The following RBFOX1 variants were observed in gnomAD, a reference collection of about 807,000 sequenced individuals.
RBFOX1 encodes the protein RNA binding protein fox-1 homolog 1.
RBFOX1 carries 8 observed loss-of-function variants against 57.7 expected under a neutral mutation model. The ratio of observed to expected loss-of-function variants is 0.14; its 90% CI spans 0.08 to 0.25. The LOEUF is 0.25. Ranked by LOEUF, RBFOX1 falls within the 10% of genes least tolerant of loss-of-function variation. The pLI is 1.00. For synonymous variants in RBFOX1, 326 were observed against 222.4 expected (o/e 1.47, Z -4.15); for missense variants, 611 against 548.5 (o/e 1.11, Z -1.14).
At chr16:7,151,805 C>A (rs935605346) in intron 4 of RBFOX1, among the ~76,000 whole-genome samples, 2 of 152,096 alleles carry the variant, frequency 1.3e-5, no homozygotes, top group African/African-American at 2.4e-5. Context: ...GCATTAGATT[C>A]TCATAAGCCA....
chr16:7,113,297 G>GT (rs1051704192), intron 4 of RBFOX1, among the ~76,000 whole-genome samples: 2 of 152,138 alleles, frequency 1.3e-5, no homozygotes, highest in African/African-American at 2.4e-5. Flanking sequence ...ATGCTCTATA[G>GT]TTTTTTATCT....
At chr16:5,470,325 C>T (rs2069092115) in intron 2 of RBFOX1, among the ~76,000 whole-genome samples, 1 of 152,204 alleles carries the variant, frequency 6.6e-6, no homozygotes, top group Non-Finnish European at 1.5e-5. Flanking sequence ...CCTAGAGGGA[C>T]CAAATGTGTC....
chr16:7,146,764 C>G (rs1370163982), intron 4 of RBFOX1, among the ~76,000 whole-genome samples: 2 of 151,348 alleles, frequency 1.3e-5, no homozygotes, highest in African/African-American at 4.9e-5. Flanking sequence ...GCCTGGGACA[C>G]ATAGTGAGAC....
intron 3 of RBFOX1, among the ~76,000 whole-genome samples, chr16:5,771,416 T>C (rs748497092): frequency 3.3e-5 from 5 of 152,196 alleles, no homozygotes; most frequent in African/African-American, 4.8e-5. Context: ...TTTGTTTTGT[T>C]TTGTTTTCTT....
intron 3 of RBFOX1, among the ~76,000 whole-genome samples, chr16:5,651,040 CTTTTTTTTTTTTTTTTTT>C (rs869240597): frequency 5.3e-5 from 3 of 56,896 alleles, no homozygotes; most frequent in African/African-American, 2.2e-4. Flanking sequence ...CTACCTCCTT[CTTTTTTTTTTTTTTTTTT>C]TTTTTTTTTT....
intron 3 of RBFOX1, among the ~76,000 whole-genome samples, chr16:7,047,544 T>C (rs948166931): frequency 7.9e-5 from 12 of 152,054 alleles, no homozygotes; most frequent in Non-Finnish European, 1.6e-4. Flanking sequence ...TTCGTTGATT[T>C]TAACTCTTTT....
At chr16:6,021,734 C>T (rs991815203) in intron 1 of RBFOX1, among the ~76,000 whole-genome samples, 1 of 152,154 alleles carries the variant, frequency 6.6e-6, no homozygotes, top group Non-Finnish European at 1.5e-5. Context: ...CTTCTGGATC[C>T]GTTATCTGCC....
At chr16:5,631,917 A>G (rs1175141587) in intron 3 of RBFOX1, among the ~76,000 whole-genome samples, 1 of 152,162 alleles carries the variant, frequency 6.6e-6, no homozygotes, top group Non-Finnish European at 1.5e-5. Flanking sequence ...GGTGAATGAT[A>G]GAGTGGAGAC....
chr16:7,495,659 G>C (rs923073639), intron 4 of RBFOX1, among the ~76,000 whole-genome samples: 4 of 151,574 alleles, frequency 2.6e-5, no homozygotes, highest in African/African-American at 9.7e-5. Flanking sequence ...CCATTTTTTT[G>C]CATGTGCAGA....
chr16:6,721,498 G>C (rs1300460066), intron 3 of RBFOX1, among the ~76,000 whole-genome samples: 1 of 152,150 alleles, frequency 6.6e-6, no homozygotes, highest in African/African-American at 2.4e-5. Flanking sequence ...GTTCTGTAAT[G>C]TTAAATGCAT....
At chr16:5,509,711 A>G (rs2043512182) in intron 2 of RBFOX1, among the ~76,000 whole-genome samples, 1 of 152,048 alleles carries the variant, frequency 6.6e-6, no homozygotes. Flanking sequence ...TGGAGGAGGG[A>G]GAGCTTTCGG....
chr16:6,092,003 C>G (rs1306749335), intron 1 of RBFOX1, among the ~76,000 whole-genome samples: 1 of 152,210 alleles, frequency 6.6e-6, no homozygotes, highest in Non-Finnish European at 1.5e-5. Flanking sequence ...ATTCCTCCAT[C>G]TATCTACCTA....
chr16:6,991,078 G>T (rs1242040085), intron 3 of RBFOX1, among the ~76,000 whole-genome samples: 1 of 145,618 alleles, frequency 6.9e-6, no homozygotes, highest in African/African-American at 2.6e-5. Flanking sequence ...AAGGTGGGTG[G>T]CCTGCTTCAG....
rs1212414596 is a variant in RBFOX1, at chr16:6,727,708, A to G, written c.-16+73058A>G. ...TACAAATGTCCCTGGTACACCTATC[A>G]AATGGGCTCACACGTGTGAGTCTCT... On this transcript the variant is annotated intron_variant, in intron 3 of 15. Transcript: ENST00000550418. 3.3e-5 allele frequency among the ~76,000 whole-genome samples: 5 copies of G among 152,176 alleles called. No individual in the cohort carries two copies. In the East Asian group the frequency reaches 9.6e-4, roughly 29 times the overall value.
chr16:6,722,799 C>T (rs369573186), intron 3 of RBFOX1, among the ~76,000 whole-genome samples: 28 of 152,118 alleles, frequency 1.8e-4, no homozygotes, highest in Admixed American at 9.8e-4. Flanking sequence ...CATTATTTAT[C>T]TCAGCGGCCA....
chr16:7,165,148 A>G (rs1044768780), intron 4 of RBFOX1, among the ~76,000 whole-genome samples: 1 of 152,050 alleles, frequency 6.6e-6, no homozygotes, highest in African/African-American at 2.4e-5. Context: ...CTGGGTCCCT[A>G]CTTGTGTTGA....
At position 5,821,056 on chromosome 16, in the gene RBFOX1, A is replaced by G. The variant is rs571966132; in HGVS notation, c.319-46247A>G. On this transcript the variant is annotated intron_variant, in intron 3 of 19. Transcript: ENST00000641259. Reference sequence around the variant, plus strand: ...CTCGTTTCCCTTTCCTTCCCTAGACATGCTGCCCTGAGGTGCTCCTACCAG... The same window carrying G: ...CTCGTTTCCCTTTCCTTCCCTAGACGTGCTGCCCTGAGGTGCTCCTACCAG... Among the ~76,000 whole-genome samples, 223 of 152,028 alleles carry G rather than the reference A, an allele frequency of 1.5e-3. 3 individuals carry two copies. The highest frequency in any genetic ancestry group is 4.9e-3 in the African/African-American group (205 of 41,452).
intron 4 of RBFOX1, among the ~76,000 whole-genome samples, chr16:5,977,779 AT>A (rs1394071933): frequency 2.0e-5 from 3 of 152,052 alleles, no homozygotes; most frequent in Non-Finnish European, 4.4e-5. Context: ...CACTGTCCCG[AT>A]CTGTATTAAG....
At chr16:7,387,256 A>G (rs2097900092) in intron 4 of RBFOX1, among the ~76,000 whole-genome samples, 1 of 152,182 alleles carries the variant, frequency 6.6e-6, no homozygotes, top group African/African-American at 2.4e-5. Context: ...TTGCTAAATT[A>G]GTATAGGATT....
Sources: allele counts gnomAD v4.1 joint callset (sites outside exome capture counted in the v4.1 genomes callset), GRCh38; gene constraint gnomAD v4.1.1; transcripts MANE v1.5; gene names NCBI Gene and HGNC (gene_info 2026-07-23, HGNC 2026-07-21).